The following RYR3 variants were observed in gnomAD, a reference collection of about 807,000 sequenced individuals.
RYR3 encodes the protein ryanodine receptor 3.
In RYR3, 207 loss-of-function variants were observed where a neutral mutation model predicts 584.3. The ratio of observed to expected loss-of-function variants is 0.35; its 90% CI spans 0.32 to 0.40. RYR3 has a LOEUF of 0.40. Among genes scored for constraint, RYR3 ranks in the 10% least tolerant of loss-of-function variants. RYR3 has a pLI of 1.00. For synonymous variants in RYR3, 2,416 were observed against 2,248.5 expected, an observed-to-expected ratio of 1.07 and a Z score of -2.11; for missense variants, 5,616 against 6,089.2, an observed-to-expected ratio of 0.92 and a Z score of 2.59.
chr15:33,474,851 C>T (rs901990118), intron 2 of RYR3, among the ~76,000 whole-genome samples: 1 of 152,166 alleles, frequency 6.6e-6, no homozygotes, highest in Non-Finnish European at 1.5e-5. Context: ...CCACGTCCTC[C>T]AGAAGCCTTC....
At chr15:33,472,601 G>A (rs113653161) in intron 1 of RYR3, among the ~76,000 whole-genome samples, 9 of 152,200 alleles carry the variant, frequency 5.9e-5, no homozygotes, top group Admixed American at 2.0e-4. Context: ...ACAGATAGGA[G>A]GGGCAGGAAT....
At chr15:33,627,346 G>C (rs1213866209) in intron 20 of RYR3, among the ~76,000 whole-genome samples, 1 of 152,190 alleles carries the variant, frequency 6.6e-6, no homozygotes. Context: ...CCTGTGGCGA[G>C]ATAGGAGCAA....
chr15:33,392,936 G>A (rs1325926583), intron 1 of RYR3, among the ~76,000 whole-genome samples: 3 of 152,222 alleles, frequency 2.0e-5, no homozygotes, highest in African/African-American at 4.8e-5. Flanking sequence ...AGCCTACAAG[G>A]GCATGGGATT....
At chr15:33,843,390 G>A (rs2078506482) in intron 91 of RYR3, 98 bp from the exon 92 acceptor site, 2 of 767,898 alleles carry the variant, frequency 2.6e-6, no homozygotes, top group Non-Finnish European at 4.4e-6. Context: ...GACGAGTCAA[G>A]TGTGAACTTC....
At chr15:33,636,323 G>T in intron 26 of RYR3, 53 bp from the exon 27 acceptor site, 1 of 1,488,810 alleles carries the variant, frequency 6.7e-7, no homozygotes, top group Non-Finnish European at 9.3e-7. Flanking sequence ...TTCTCCAGCT[G>T]CTGGGGCCTC....
Position 33,631,251 on chromosome 15 carries a change from C to T in RYR3, c.2825C>T (p.Pro942Leu). ...GGGTGCCACATTGCTCATGTTAACC[C>T]AGCTGCTGAGGAGGATCTCAAGAAG... ...ALGCHIAHVNPAAEEDLKKVK... is the reference protein window; with the variant it reads ...ALGCHIAHVNLAAEEDLKKVK... The change falls in exon 23 of 104, where the codon CCA (proline) becomes CTA (leucine). Residue 942 changes from proline to leucine, a missense_variant. Coordinates refer to ENST00000634891, the MANE Select transcript of RYR3 (RefSeq NM_001036.6). 1 of 1,591,824 alleles carries T rather than the reference C, an allele frequency of 6.3e-7. No homozygotes were observed. Among genetic ancestry groups the T allele is most frequent in the Non-Finnish European group, 8.6e-7 (1 of 1,168,280 alleles).
At chr15:33,414,582 A>G (rs2043644608) in intron 1 of RYR3, among the ~76,000 whole-genome samples, 1 of 152,150 alleles carries the variant, frequency 6.6e-6, no homozygotes, top group Admixed American at 6.5e-5. Flanking sequence ...GTCATGTCTG[A>G]GAGGCACCTT....
intron 43 of RYR3, among the ~76,000 whole-genome samples, chr15:33,707,539 A>C (rs1335297272): frequency 4.6e-5 from 7 of 152,340 alleles, no homozygotes; most frequent in Non-Finnish European, 1.0e-4. Context: ...ATTTGTCATA[A>C]TACAATCTAC....
chr15:33,329,119 C>G (rs900649536), intron 1 of RYR3, among the ~76,000 whole-genome samples: 3 of 152,176 alleles, frequency 2.0e-5, no homozygotes, highest in African/African-American at 7.2e-5. Flanking sequence ...GGGACAGTTT[C>G]CTGCTTCCTC....
chr15:33,603,411 T>G, intron 18 of RYR3, 47 bp downstream of exon 18: 1 of 1,504,488 alleles, frequency 6.6e-7, no homozygotes, highest in South Asian at 1.4e-5. Context: ...CTGGAAATGA[T>G]GGAGGCTCAA....
chr15:33,604,977 C>T (rs2059839759), intron 18 of RYR3, among the ~76,000 whole-genome samples: 1 of 152,148 alleles, frequency 6.6e-6, no homozygotes, highest in South Asian at 2.1e-4. Flanking sequence ...CTGCCTATCT[C>T]CCACCAACTC....
intron 60 of RYR3, among the ~76,000 whole-genome samples, chr15:33,764,070 C>A (rs941614049): frequency 7.2e-5 from 11 of 152,012 alleles, no homozygotes; most frequent in Non-Finnish European, 1.3e-4. Flanking sequence ...CCAGCAATCC[C>A]ATTACTGGGT....
intron 89 of RYR3, 40 bp from the exon 90 acceptor site, chr15:33,840,785 T>A (rs905385365): frequency 1.2e-6 from 2 of 1,604,166 alleles, no homozygotes; most frequent in Non-Finnish European, 1.7e-6. Flanking sequence ...ATGACCTCGC[T>A]TCTTTGAGGA....
rs773314560 is a variant in RYR3, at chr15:33,750,237, G to A, written c.8350G>A (p.Ala2784Thr). 43 of 1,610,052 alleles carry A rather than the reference G, an allele frequency of 2.7e-5. No individual in the cohort carries two copies. Among genetic ancestry groups the A allele is most frequent in the Non-Finnish European group, 3.6e-5 (42 of 1,178,288 alleles). Reference sequence around the variant, plus strand: ...GGAAAAGTTCAAGGACCGGGAGAAGGCACAGGACCTGTTTAAGTTCCTCCA... The same window carrying A: ...GGAAAAGTTCAAGGACCGGGAGAAGACACAGGACCTGTTTAAGTTCCTCCA... Reference protein sequence around the residue: ...AKEKFKDREKAQDLFKFLQVN... With the variant: ...AKEKFKDREKTQDLFKFLQVN... Residue 2784 changes from alanine (A) to threonine (T), a missense_variant, in exon 57 of 104, where the codon GCA becomes ACA. This residue lies in a region of RYR3 where 1,280 missense variants were observed against 1,426.2 expected (regional missense o/e 0.90). Transcript: ENST00000634891.
chr15:33,700,949 T>A (rs1218726753), intron 41 of RYR3, 28 bp from the exon 42 acceptor site: 7 of 1,549,068 alleles, frequency 4.5e-6, no homozygotes, highest in Non-Finnish European at 3.6e-6. Context: ...TCTGTCCTTT[T>A]CTTGCTAATT....
At position 33,844,898 on chromosome 15, in the gene RYR3, G is replaced by T; in HGVS notation, c.13333G>T (p.Val4445Phe). ...EEPLEEETEDVANLWNSFNDE... is the reference protein window; with the variant it reads ...EEPLEEETEDFANLWNSFNDE... ...ACCTTTAGAAGAAGAGACAGAGGAT[G>T]TTGCAAACCTATGGAATTCCTTTAA... Residue 4445 changes from valine (V) to phenylalanine (F), a missense_variant, in exon 93 of 104, where the codon GTT becomes TTT. Val to Phe is a conservative substitution (Grantham distance 50). Around this residue, in one of 9 missense-constraint regions of RYR3, gnomAD observed 918 missense variants for 887.4 expected, o/e 1.03. Transcript: ENST00000634891. 1 of 1,614,034 alleles carries T rather than the reference G, an allele frequency of 6.2e-7. No individual in the cohort carries two copies. The highest frequency in any genetic ancestry group is 8.5e-7 in the Non-Finnish European group (1 of 1,179,890).
intron 32 of RYR3, among the ~76,000 whole-genome samples, chr15:33,654,322 C>G (rs539584448): frequency 2.0e-5 from 3 of 152,146 alleles, no homozygotes; most frequent in Non-Finnish European, 4.4e-5. Flanking sequence ...CGAGACCAGC[C>G]TGGGCAACAT....
chr15:33,859,927 A>T (rs1201431776), intron 100 of RYR3, among the ~76,000 whole-genome samples, 196 bp downstream of exon 100: 1 of 152,230 alleles, frequency 6.6e-6, no homozygotes, highest in Non-Finnish European at 1.5e-5. Context: ...AGGCACAGTT[A>T]TAAGAAGCTT....
intron 67 of RYR3, among the ~76,000 whole-genome samples, chr15:33,791,245 G>A (rs762752617): frequency 6.6e-6 from 1 of 152,168 alleles, no homozygotes. Flanking sequence ...AATAGAGATG[G>A]GGGCTATGAA....
Sources: allele counts gnomAD v4.1 joint callset (sites outside exome capture counted in the v4.1 genomes callset), GRCh38; gene constraint gnomAD v4.1.1; regional missense constraint gnomAD v4.1.1; transcripts MANE v1.5; gene names NCBI Gene and HGNC (gene_info 2026-07-23, HGNC 2026-07-21).